DLC1: variants seen among roughly 807,000 people sequenced by gnomAD.
The protein encoded by DLC1 is DLC1 Rho GTPase activating protein.
Under a neutral mutation model 140.3 loss-of-function variants are expected in DLC1, and 54 were observed. The observed-to-expected ratio is 0.38, with a 90% CI of 0.31 to 0.48. The LOEUF (loss-of-function observed/expected upper bound fraction) is 0.48. DLC1 is among the 20% of genes least tolerant of loss of function. The probability of loss-of-function intolerance (pLI) is 0.96; values close to 1 mark genes in which losing one functional copy is unlikely to be tolerated. For missense variants in DLC1, 2,536 were observed against 1,907.0 expected (o/e 1.33, Z -6.14); for synonymous variants, 986 against 728.1 (o/e 1.35, Z -5.70).
intron 1 of DLC1, among the ~76,000 whole-genome samples, chr8:13,513,264 C>T (rs879726121): frequency 6.6e-5 from 10 of 151,950 alleles, no homozygotes; most frequent in Non-Finnish European, 1.2e-4. Context: ...CTCTGAAATT[C>T]CATTTGGAGA....
intron 2 of DLC1, among the ~76,000 whole-genome samples, chr8:13,404,308 C>G (rs1317645315): frequency 6.6e-6 from 1 of 152,038 alleles, no homozygotes; most frequent in Admixed American, 6.5e-5. Flanking sequence ...AAATACTCCC[C>G]TGACCCATTT....
chr8:13,223,817 C>T (rs1828666732), intron 5 of DLC1, among the ~76,000 whole-genome samples: 1 of 152,054 alleles, frequency 6.6e-6, no homozygotes, highest in Non-Finnish European at 1.5e-5. Flanking sequence ...CTATTCCTAC[C>T]TTCATACTGT....
intron 4 of DLC1, among the ~76,000 whole-genome samples, chr8:13,391,371 C>T (rs960025178): frequency 4.6e-5 from 7 of 152,194 alleles, no homozygotes; most frequent in Admixed American, 4.6e-4. Flanking sequence ...CAGCTGGATA[C>T]TACTCGCATC....
chr8:13,450,687 G>C (rs956980055), intron 2 of DLC1, among the ~76,000 whole-genome samples: 1 of 151,946 alleles, frequency 6.6e-6, no homozygotes, highest in Non-Finnish European at 1.5e-5. Context: ...TCATGAATAA[G>C]TCTTGCAAAA....
chr8:13,219,671 C>G (rs1192414461), intron 5 of DLC1, among the ~76,000 whole-genome samples: 2 of 151,516 alleles, frequency 1.3e-5, no homozygotes, highest in African/African-American at 4.9e-5. Flanking sequence ...ATCTATATCT[C>G]CAAGAATTGT....
chr8:13,395,132 T>C (rs1298923574), intron 3 of DLC1, among the ~76,000 whole-genome samples: 3 of 151,848 alleles, frequency 2.0e-5, no homozygotes, highest in Admixed American at 2.0e-4. Context: ...ATTCTTTTTT[T>C]TTTTTTGGAA....
At chr8:13,299,125 A>T (rs1452539945) in intron 5 of DLC1, among the ~76,000 whole-genome samples, 1 of 152,012 alleles carries the variant, frequency 6.6e-6, no homozygotes, top group Non-Finnish European at 1.5e-5. Flanking sequence ...GGATTAAATG[A>T]AACTATTTTC....
At position 13,499,901 on chromosome 8, in the gene DLC1, C is replaced by A; in HGVS notation, c.171G>T (p.Lys57Asn). 4 of 1,614,130 alleles carry A rather than the reference C, an allele frequency of 2.5e-6. No homozygotes were observed. In the South Asian group the frequency reaches 4.4e-5, roughly 18 times the overall value. The change falls in exon 2 of 18, where the codon AAG (lysine) becomes AAT (asparagine). Residue 57 changes from lysine to asparagine, a missense_variant. Physicochemically the swap from Lys to Asn is moderately conservative, Grantham distance 94. Coordinates refer to ENST00000276297, the MANE Select transcript of DLC1 (RefSeq NM_182643.3). ...GACAGCAGTCAGGTAGTGAAACACA[C>A]TTCTCTTTGCGGTCCACATTTAGAG... is the stretch of plus-strand genomic sequence containing the variant. ...DATLNVDRKE[K>N]CVSLPDCCHG...
At chr8:13,330,489 C>T (rs1227065383) in intron 4 of DLC1, among the ~76,000 whole-genome samples, 1 of 152,192 alleles carries the variant, frequency 6.6e-6, no homozygotes, top group East Asian at 1.9e-4. Flanking sequence ...CCATGCCACC[C>T]TCCTTTAGCA....
chr8:13,492,704 T>C (rs1169486165), intron 2 of DLC1, among the ~76,000 whole-genome samples: 1 of 152,176 alleles, frequency 6.6e-6, no homozygotes, highest in African/African-American at 2.4e-5. Context: ...GCACCTGGGA[T>C]ATTGAAAATG....
At chr8:13,396,330 AT>A (rs1198700575) in intron 3 of DLC1, among the ~76,000 whole-genome samples, 3 of 152,262 alleles carry the variant, frequency 2.0e-5, no homozygotes, top group Non-Finnish European at 4.4e-5. Context: ...AAGTGCTGAG[AT>A]TACAGACGTG....
At chr8:13,355,443 C>T (rs1365873022) in intron 4 of DLC1, among the ~76,000 whole-genome samples, 1 of 152,196 alleles carries the variant, frequency 6.6e-6, no homozygotes, top group Non-Finnish European at 1.5e-5. Flanking sequence ...TTATTTCTCA[C>T]AGTTCTGGAA....
intron 2 of DLC1, among the ~76,000 whole-genome samples, chr8:13,445,530 C>A (rs1201255694): frequency 6.6e-6 from 1 of 152,168 alleles, no homozygotes; most frequent in Non-Finnish European, 1.5e-5. Context: ...GGTAAGGAAC[C>A]ACCAATGATT....
chr8:13,588,425 A>G (rs552153170), intron 1 of DLC1, among the ~76,000 whole-genome samples: 3 of 152,218 alleles, frequency 2.0e-5, no homozygotes, highest in East Asian at 3.9e-4. Flanking sequence ...GTTGAGAGCC[A>G]GAGAAAGAGA....
chr8:13,148,521 C>T (rs1381954967), intron 5 of DLC1, among the ~76,000 whole-genome samples: 1 of 152,108 alleles, frequency 6.6e-6, no homozygotes, highest in East Asian at 1.9e-4. Flanking sequence ...GATTTCGTGG[C>T]CACTAACAGC....
intron 4 of DLC1, among the ~76,000 whole-genome samples, chr8:13,334,474 T>C (rs1295581493): frequency 1.3e-5 from 2 of 152,122 alleles, no homozygotes; most frequent in African/African-American, 4.8e-5. Flanking sequence ...GAAAGATCAC[T>C]GTGCACATGG....
chr8:13,269,487 G>A (rs958383815), intron 5 of DLC1, among the ~76,000 whole-genome samples: 1 of 151,728 alleles, frequency 6.6e-6, no homozygotes, highest in Non-Finnish European at 1.5e-5. Flanking sequence ...AGTCCCAGCT[G>A]GGAGGATCAC....
intron 7 of DLC1, among the ~76,000 whole-genome samples, chr8:13,103,219 G>A (rs1056954220): frequency 1.2e-4 from 19 of 152,024 alleles, no homozygotes; most frequent in African/African-American, 4.1e-4. Flanking sequence ...GCTGAGGCAG[G>A]AGAATGGCGT....
chr8:13,149,829 A>G (rs1185429184), intron 5 of DLC1, among the ~76,000 whole-genome samples: 1 of 152,214 alleles, frequency 6.6e-6, no homozygotes, highest in Admixed American at 6.5e-5. Flanking sequence ...AGCTCCATGA[A>G]CAGCTCCTGG....
Sources: gnomAD v4.1 joint callset for allele counts (sites outside exome capture counted in the v4.1 genomes callset) on GRCh38, gnomAD v4.1.1 for gene constraint, MANE v1.5 for transcripts, NCBI Gene and HGNC (gene_info 2026-07-23, HGNC 2026-07-21) for gene names.